Variants in NALF1 observed in about 807,000 individuals in gnomAD.
The protein encoded by NALF1 is family with sequence similarity 155 member A.
In NALF1, 3 loss-of-function variants were observed where a neutral mutation model predicts 48.4. The observed-to-expected ratio is 0.06, with a 90% CI of 0.03 to 0.16. The LOEUF (loss-of-function observed/expected upper bound fraction) is 0.16, where lower values mean the gene tolerates loss of function less well. Ranked by LOEUF, NALF1 falls within the 10% of genes least tolerant of loss-of-function variation. The pLI, the probability that NALF1 is intolerant of heterozygous loss-of-function variation, is 1.00. For missense variants in NALF1, 526 were observed against 571.5 expected (o/e 0.92, Z 0.81); for synonymous variants, 262 against 245.7 (o/e 1.07, Z -0.62).
intron 1 of NALF1, among the ~76,000 whole-genome samples, chr13:107,613,348 C>T (rs139072536): frequency 1.2e-4 from 18 of 152,266 alleles, no homozygotes; most frequent in African/African-American, 2.6e-4. Context: ...AGGCGGCCTC[C>T]GCAATAACCC....
At chr13:107,818,060 C>CT (rs963166272) in intron 1 of NALF1, among the ~76,000 whole-genome samples, 86 of 152,284 alleles carry the variant, frequency 5.6e-4, no homozygotes, top group African/African-American at 1.9e-3. Context: ...TGAATTCTCC[C>CT]TTCAGGTCAT....
At chr13:107,275,293 G>C in intron 1 of NALF1, among the ~76,000 whole-genome samples, 1 of 151,898 alleles carries the variant, frequency 6.6e-6, no homozygotes, top group East Asian at 1.9e-4. Flanking sequence ...GGTAATGAAT[G>C]TGTGTATCAA....
intron 1 of NALF1, among the ~76,000 whole-genome samples, chr13:107,825,407 A>C (rs1879485572): frequency 6.6e-6 from 1 of 152,240 alleles, no homozygotes; most frequent in Non-Finnish European, 1.5e-5. Flanking sequence ...TCAGAAAAAA[A>C]GTTGATGCTC....
At chr13:107,679,250 A>AT (rs962655171) in intron 1 of NALF1, among the ~76,000 whole-genome samples, 6 of 152,146 alleles carry the variant, frequency 3.9e-5, no homozygotes, top group South Asian at 2.1e-4. Context: ...GAAAATATGC[A>AT]TTTTTTTCAC....
intron 1 of NALF1, among the ~76,000 whole-genome samples, chr13:107,810,338 T>A (rs975417189): frequency 6.6e-6 from 1 of 152,096 alleles, no homozygotes; most frequent in African/African-American, 2.4e-5. Context: ...TAACAATTTA[T>A]CTCAGAGTCT....
chr13:107,182,193 T>A (rs1396052979), intron 2 of NALF1, among the ~76,000 whole-genome samples: 1 of 151,946 alleles, frequency 6.6e-6, no homozygotes, highest in Non-Finnish European at 1.5e-5. Flanking sequence ...TTCTGTCATT[T>A]GCAATATGAG....
chr13:107,243,729 T>C (rs1421404606), intron 1 of NALF1, among the ~76,000 whole-genome samples: 5 of 152,218 alleles, frequency 3.3e-5, no homozygotes, highest in Non-Finnish European at 7.3e-5. Flanking sequence ...TTCTTTTATC[T>C]ATCGTGTTAG....
At chr13:107,436,335 T>C (rs1393346347) in intron 1 of NALF1, among the ~76,000 whole-genome samples, 1 of 152,132 alleles carries the variant, frequency 6.6e-6, no homozygotes, top group Non-Finnish European at 1.5e-5. Context: ...TAGAATCCAT[T>C]GATGTATTAA....
At chr13:107,524,411 A>G (rs1159408047) in intron 1 of NALF1, among the ~76,000 whole-genome samples, 4 of 152,088 alleles carry the variant, frequency 2.6e-5, no homozygotes, top group African/African-American at 9.7e-5. Context: ...TCAAATAAAA[A>G]AGTATGTGAA....
At chr13:107,525,615 G>C (rs949602528) in intron 1 of NALF1, among the ~76,000 whole-genome samples, 3 of 152,100 alleles carry the variant, frequency 2.0e-5, no homozygotes, top group Non-Finnish European at 2.9e-5. Flanking sequence ...TTTTCTGTCT[G>C]TCTGGGTAAA....
intron 1 of NALF1, among the ~76,000 whole-genome samples, chr13:107,805,289 A>C (rs1394705514): frequency 1.3e-5 from 2 of 152,202 alleles, no homozygotes; most frequent in Non-Finnish European, 2.9e-5. Context: ...GATGATATGC[A>C]GTCTCCTTAA....
At chr13:107,223,291 A>C (rs2138817395) in intron 1 of NALF1, among the ~76,000 whole-genome samples, 1 of 152,322 alleles carries the variant, frequency 6.6e-6, no homozygotes, top group East Asian at 1.9e-4. Flanking sequence ...CATATATATA[A>C]GAAAGTCAGA....
chr13:107,761,488 C>A lies in NALF1; in HGVS notation c.915+104194G>T, dbSNP rs536738868. ...ATGGGTCCACTTGTGTCTCTGATTT[C>A]TTGCACATGAGTCTGGTTTTCATGG... is the stretch of plus-strand genomic sequence containing the variant. On this transcript the variant is annotated intron_variant, in intron 1 of 2. Transcript: ENST00000375915. Among the ~76,000 whole-genome samples, 30 of 152,278 alleles carry A rather than the reference C, an allele frequency of 2.0e-4. No individual in the cohort carries two copies. The South Asian group carries it at 6.2e-3, about 32-fold the overall frequency.
intron 1 of NALF1, among the ~76,000 whole-genome samples, chr13:107,342,652 A>G (rs1421193368): frequency 6.6e-6 from 1 of 152,188 alleles, no homozygotes; most frequent in Non-Finnish European, 1.5e-5. Context: ...GTTTTTGTGT[A>G]CAATTGAAGT....
chr13:107,238,252 G>C (rs12429529), intron 1 of NALF1, among the ~76,000 whole-genome samples: 25,188 of 152,118 alleles, frequency 0.17, 2,619 homozygotes, highest in East Asian at 0.42. Context: ...ACCCAGCATG[G>C]GGTCTTAGAC....
chr13:107,309,405 G>A (rs1882001561), intron 1 of NALF1, among the ~76,000 whole-genome samples: 1 of 152,178 alleles, frequency 6.6e-6, no homozygotes, highest in Non-Finnish European at 1.5e-5. Flanking sequence ...AAATGCCAGA[G>A]GGTGATCACT....
intron 2 of NALF1, among the ~76,000 whole-genome samples, chr13:107,205,481 C>T (rs544488560): frequency 4.9e-4 from 74 of 152,254 alleles, no homozygotes; most frequent in African/African-American, 1.7e-3. Context: ...TCTCTGCAGG[C>T]GCGCAGAGTC....
chr13:107,534,280 A>G (rs1363565287), intron 1 of NALF1, among the ~76,000 whole-genome samples: 1 of 152,116 alleles, frequency 6.6e-6, no homozygotes, highest in Admixed American at 6.6e-5. Context: ...TTTTTGCCTC[A>G]TCTTCCAATT....
chr13:107,824,133 T>C (rs1879441175), intron 1 of NALF1, among the ~76,000 whole-genome samples: 2 of 152,180 alleles, frequency 1.3e-5, no homozygotes, highest in South Asian at 4.1e-4. Context: ...CCATATTATA[T>C]TGACCACATA....
Sources: allele counts gnomAD v4.1 joint callset (sites outside exome capture counted in the v4.1 genomes callset), GRCh38; gene constraint gnomAD v4.1.1; transcripts MANE v1.5; gene names NCBI Gene and HGNC (gene_info 2026-07-23, HGNC 2026-07-21).